Variants in DOK5 observed in about 807,000 individuals in gnomAD.
DOK5 encodes the protein docking protein 5, also known as downstream of tyrosine kinase 5.
Under a neutral mutation model 43.3 loss-of-function variants are expected in DOK5, and 27 were observed. That is an observed-to-expected ratio of 0.62 (90% CI 0.46 to 0.86). The LOEUF (loss-of-function observed/expected upper bound fraction) is 0.86. Ranked by LOEUF, DOK5 falls within the 40% of genes least tolerant of loss-of-function variation. DOK5 has a pLI of 0.00. For synonymous variants in DOK5, 146 were observed against 140.1 expected, an observed-to-expected ratio of 1.04 and a Z score of -0.30; for missense variants, 373 against 392.9, an observed-to-expected ratio of 0.95 and a Z score of 0.43.
At chr20:54,560,334 A>G (rs903869654) in intron 2 of DOK5, among the ~76,000 whole-genome samples, 1 of 152,298 alleles carries the variant, frequency 6.6e-6, no homozygotes, top group African/African-American at 2.4e-5. Flanking sequence ...GCCATATTCT[A>G]GAAGTTTCCT....
chr20:54,591,568 A>T (rs781058215), intron 4 of DOK5, 48 bp from the exon 5 acceptor site: 3 of 1,401,170 alleles, frequency 2.1e-6, no homozygotes, highest in Non-Finnish European at 2.9e-6. Flanking sequence ...AATGTCTTTG[A>T]TGTTTTATTC....
Position 54,588,582 on chromosome 20 carries a change from T to G in DOK5, c.274T>G (p.Phe92Val). 2.5e-6 allele frequency: 4 copies of G among 1,614,146 alleles called. No homozygotes were observed. Among genetic ancestry groups the G allele is most frequent in the Non-Finnish European group, 3.4e-6 (4 of 1,180,000 alleles). Residue 92 changes from phenylalanine (F) to valine (V), a missense_variant, in exon 3 of 8, where the codon TTT (phenylalanine) becomes GTT (valine). Phe to Val is a conservative substitution (Grantham distance 50, BLOSUM62 -1). Coordinates refer to ENST00000262593, the MANE Select transcript of DOK5 (RefSeq NM_018431.5). ...IYFNDDTSKT[F>V]ACESDLEADE... ...TTTCAATGACGATACCTCCAAGACTTTTGCTTGCGAATCAGGTTTGTCTCA... is the reference window on the plus strand; with the variant it reads ...TTTCAATGACGATACCTCCAAGACTGTTGCTTGCGAATCAGGTTTGTCTCA...
intron 1 of DOK5, among the ~76,000 whole-genome samples, chr20:54,510,308 C>T (rs1301972434): frequency 6.6e-6 from 1 of 152,112 alleles, no homozygotes; most frequent in Non-Finnish European, 1.5e-5. Context: ...TCACACTTGA[C>T]ACTTAATTTT....
chr20:54,491,331 A>G (rs1019784327), intron 1 of DOK5, among the ~76,000 whole-genome samples: 1 of 152,218 alleles, frequency 6.6e-6, no homozygotes, highest in Non-Finnish European at 1.5e-5. Context: ...AACATCTTGC[A>G]TGTTAAATTA....
intron 1 of DOK5, among the ~76,000 whole-genome samples, chr20:54,526,319 C>T (rs1317362229): frequency 6.6e-6 from 1 of 152,074 alleles, no homozygotes; most frequent in Non-Finnish European, 1.5e-5. Flanking sequence ...AAGGGTGAGG[C>T]CCCAAAGCTG....
intron 6 of DOK5, among the ~76,000 whole-genome samples, chr20:54,626,859 C>T (rs1332698863): frequency 6.6e-6 from 1 of 152,200 alleles, no homozygotes; most frequent in Non-Finnish European, 1.5e-5. Flanking sequence ...AAACTACAGC[C>T]CACGGGTGCA....
At chr20:54,606,810 G>T in intron 5 of DOK5, among the ~76,000 whole-genome samples, 1 of 152,136 alleles carries the variant, frequency 6.6e-6, no homozygotes, top group East Asian at 1.9e-4. Context: ...GCATCTTCAT[G>T]GGTCAGGCTG....
At chr20:54,508,848 G>A (rs1263320132) in intron 1 of DOK5, among the ~76,000 whole-genome samples, 1 of 151,944 alleles carries the variant, frequency 6.6e-6, no homozygotes, top group African/African-American at 2.4e-5. Context: ...CCAGAGTGTT[G>A]GGATTACAGG....
intron 5 of DOK5, among the ~76,000 whole-genome samples, chr20:54,595,233 C>G (rs985960751): frequency 6.6e-6 from 1 of 151,804 alleles, no homozygotes; most frequent in African/African-American, 2.4e-5. Context: ...CCCAGCTACT[C>G]GGGAGGCTGA....
intron 1 of DOK5, among the ~76,000 whole-genome samples, chr20:54,539,535 T>A (rs912875858): frequency 1.3e-5 from 2 of 152,188 alleles, no homozygotes; most frequent in Admixed American, 1.3e-4. Context: ...CAACTGCCTG[T>A]GACTCAACTA....
At chr20:54,547,560 A>T (rs1984390424) in intron 1 of DOK5, among the ~76,000 whole-genome samples, 1 of 152,232 alleles carries the variant, frequency 6.6e-6, no homozygotes. Context: ...TGCTAGGAAA[A>T]GAAGCCAATA....
At chr20:54,493,797 G>T (rs1448600830) in intron 1 of DOK5, among the ~76,000 whole-genome samples, 1 of 151,976 alleles carries the variant, frequency 6.6e-6, no homozygotes, top group Non-Finnish European at 1.5e-5. Context: ...AACTTTGTTG[G>T]GTGTGGTGGC....
At chr20:54,508,749 T>A (rs999381699) in intron 1 of DOK5, among the ~76,000 whole-genome samples, 6 of 151,402 alleles carry the variant, frequency 4.0e-5, no homozygotes, top group Admixed American at 1.3e-4. Flanking sequence ...CCTGGCTGAT[T>A]TTGTATTTTT....
chr20:54,601,985 C>T (rs1986312266), intron 5 of DOK5, among the ~76,000 whole-genome samples: 1 of 152,100 alleles, frequency 6.6e-6, no homozygotes, highest in South Asian at 2.1e-4. Flanking sequence ...CACTCTTTCT[C>T]CCAGTCACAC....
At chr20:54,513,399 C>T (rs939881769) in intron 1 of DOK5, among the ~76,000 whole-genome samples, 3 of 135,440 alleles carry the variant, frequency 2.2e-5, no homozygotes, top group East Asian at 2.1e-4. Context: ...TCAGCTTTTA[C>T]GTAAAATTTT....
chr20:54,591,099 C>T (rs777492639), intron 4 of DOK5, among the ~76,000 whole-genome samples: 1 of 152,180 alleles, frequency 6.6e-6, no homozygotes, highest in African/African-American at 2.4e-5. Flanking sequence ...CAGTTAAGTG[C>T]ATAGTATTAC....
intron 2 of DOK5, among the ~76,000 whole-genome samples, chr20:54,581,514 A>G (rs981598754): frequency 2.0e-5 from 3 of 151,762 alleles, no homozygotes; most frequent in Non-Finnish European, 2.9e-5. Flanking sequence ...CTTTCAATCT[A>G]TGAAAACAGG....
intron 2 of DOK5, among the ~76,000 whole-genome samples, chr20:54,559,192 T>A (rs1003444082): frequency 3.3e-5 from 5 of 152,174 alleles, no homozygotes; most frequent in Middle Eastern, 3.2e-3. Flanking sequence ...CTGTGCATAG[T>A]TTTACTTTTT....
intron 1 of DOK5, chr20:54,476,242 C>T: frequency 2.0e-6 from 2 of 975,662 alleles, no homozygotes; most frequent in Non-Finnish European, 2.4e-6. Context: ...ATGGTGGCCG[C>T]GTGTTGGGCT....
Sources: gnomAD v4.1 joint callset for allele counts (sites outside exome capture counted in the v4.1 genomes callset) on GRCh38, gnomAD v4.1.1 for gene constraint, MANE v1.5 for transcripts, NCBI Gene and HGNC (gene_info 2026-07-23, HGNC 2026-07-21) for gene names.